PNPLA6: variants seen among roughly 807,000 people sequenced by gnomAD.
PNPLA6 encodes the protein patatin-like phospholipase domain-containing protein 6.
A neutral mutation model predicts 153.7 loss-of-function variants in PNPLA6; 105 were observed. The observed-to-expected ratio is 0.68, with a 90% CI of 0.58 to 0.80. The LOEUF (loss-of-function observed/expected upper bound fraction) is 0.80. Among genes scored for constraint, PNPLA6 ranks in the 30% least tolerant of loss-of-function variants. PNPLA6 has a pLI of 0.00. For synonymous variants in PNPLA6, 825 were observed against 822.2 expected, an observed-to-expected ratio of 1.00 and a Z score of -0.06; for missense variants, 1,423 against 1,919.3, an observed-to-expected ratio of 0.74 and a Z score of 4.83.
intron 3 of PNPLA6, among the ~76,000 whole-genome samples, chr19:7,538,647 A>T (rs1441415807): frequency 1.3e-5 from 2 of 152,174 alleles, no homozygotes; most frequent in African/African-American, 4.8e-5. Context: ...CAGAGGGGCT[A>T]TCTGGATTCT....
chr19:7,536,264 T>A lies in PNPLA6; in HGVS notation c.306T>A (p.Ile102=), dbSNP rs554346890. ...RDKVLFYGRK[I]MRKVSQSTSS... ...AAGTGCTCTTCTATGGCCGGAAGAT[T>A]ATGCGGAAGGTGAGTCCGGGACCCC... The change falls in exon 2 of 32, where the codon ATT becomes ATA. Residue 102 remains isoleucine, a synonymous_variant. Coordinates refer to ENST00000600737, the MANE Select transcript of PNPLA6 (RefSeq NM_001166114.2). The A allele has an allele frequency of 1.0e-4, 167 of 1,613,394 alleles. 2 individuals are homozygous for A. The South Asian group carries it at 1.8e-3, about 17-fold the overall frequency.
rs868166484 is a variant in PNPLA6 at position 7,561,742 on chromosome 19, C to G, written c.*180C>G. ...ACTGATGACTTGACCAGCCCCTCCC[C>G]CAATAAACTCGCCTCTTGGAAATGG... On this transcript the variant is annotated 3_prime_UTR_variant, in exon 32 of 32. Coordinates refer to ENST00000600737, the MANE Select transcript of PNPLA6 (RefSeq NM_001166114.2). The G allele has an allele frequency of 1.9e-5, 13 of 701,690 alleles. No individual in the cohort carries two copies. The highest frequency in any genetic ancestry group is 3.4e-5 in the Non-Finnish European group (13 of 384,894). The allele number at this position is 701,690 out of a possible 1,614,324, so 43.5% of individuals were successfully genotyped here.
intron 13 of PNPLA6, among the ~76,000 whole-genome samples, chr19:7,546,593 G>T (rs2023396509): frequency 6.6e-6 from 1 of 152,158 alleles, no homozygotes; most frequent in East Asian, 1.9e-4. Flanking sequence ...ATTTGTAGTA[G>T]AGACAGGGTT....
chr19:7,561,160 G>A (rs1438983555), intron 30 of PNPLA6, 48 bp from the exon 31 acceptor site: 3 of 1,586,834 alleles, frequency 1.9e-6, no homozygotes, highest in African/African-American at 1.3e-5. Context: ...GCTGGAGATG[G>A]CAGGCCAGCC....
Position 7,550,503 on chromosome 19 carries a change from C to T in PNPLA6, c.1947-14C>T. 1 of 1,612,908 alleles carries T rather than the reference C, an allele frequency of 6.2e-7. No homozygotes were observed. Among genetic ancestry groups the T allele is most frequent in the Non-Finnish European group, 8.5e-7 (1 of 1,179,904 alleles). ...GGGGGTGGTCAGACCTTGCTGACCT[C>T]CACGCCCACTCAGGCAGGGCGACCG... On this transcript the variant is annotated splice_polypyrimidine_tract_variant and intron_variant, in intron 15 of 31. Transcript: ENST00000600737.
In PNPLA6 at chr19:7,551,364, C is replaced by G. The variant is rs770797495; in HGVS notation, c.2187C>G (p.Val729=). 3.7e-6 allele frequency: 6 copies of G among 1,613,774 alleles called. No homozygotes were observed. In the South Asian group the frequency reaches 5.5e-5, roughly 15 times the overall value. Residue 729 remains valine, a splice_region_variant and synonymous_variant, in exon 18 of 32, where the codon GTC becomes GTG. Transcript: ENST00000600737. ...LGHIKRRYPQ[V]VTRLIHLLSQ... is the part of the protein sequence containing the mutation. ...ATGCCGGCCTCCAACGCCCCCAGGT[C>G]GTGACCCGCCTTATCCACCTACTGA...
At chr19:7,542,485 C>A in intron 10 of PNPLA6, 76 bp from the exon 11 acceptor site, 1 of 1,109,272 alleles carries the variant, frequency 9.0e-7, no homozygotes, top group Non-Finnish European at 1.4e-6. Context: ...CAGGCCTGCA[C>A]CACTACACCT....
intron 21 of PNPLA6, 54 bp downstream of exon 21, chr19:7,554,777 T>C: frequency 6.3e-7 from 1 of 1,599,038 alleles, no homozygotes; most frequent in East Asian, 2.2e-5. Flanking sequence ...TCCTTTGCCC[T>C]CCCGTGCCTG....
At chr19:7,552,247 T>G (rs2023682467) in intron 18 of PNPLA6, among the ~76,000 whole-genome samples, 1 of 152,210 alleles carries the variant, frequency 6.6e-6, no homozygotes, top group African/African-American at 2.4e-5. Flanking sequence ...TGTTTCAGCC[T>G]GTGGCTTCAG....
rs1157365527 is a variant in PNPLA6, at chr19:7,541,641, G to C, written c.1125G>C (p.Gly375=). The C allele has an allele frequency of 6.3e-7, 1 of 1,585,210 alleles. No individual in the cohort carries two copies. Among genetic ancestry groups the C allele is most frequent in the Non-Finnish European group, 8.6e-7 (1 of 1,166,784 alleles). ...CAGACGAGCCCAGGGAGACCCCAGG[G>C]CGGCCACCCGATCCCACCGGGGCCC... is the stretch of plus-strand genomic sequence containing the variant. ...SATDEPRETP[G]RPPDPTGAPL... The change falls in exon 9 of 32, where the codon GGG becomes GGC. Residue 375 remains glycine (G), a synonymous_variant. Coordinates refer to ENST00000600737, the MANE Select transcript of PNPLA6 (RefSeq NM_001166114.2). The surrounding 1 kb of genome is among the most constrained non-coding windows in gnomAD (Gnocchi z 5.2).
Position 7,541,991 on chromosome 19 carries a change from T to C in PNPLA6, c.1176T>C (p.Pro392=), listed in dbSNP as rs2023168522. The C allele has an allele frequency of 1.9e-6, 3 of 1,608,080 alleles. No homozygotes were observed. The highest frequency in any genetic ancestry group is 2.5e-6 in the Non-Finnish European group (3 of 1,179,646). The part of the protein sequence containing the change: ...GAPLPGPTGD[P]VKPTSLETPS... ...AACATGTGTCTCCCCCAGGGGACCC[T>C]GTGAAGCCCACATCCCTGGAAACCC... The change falls in exon 10 of 32, where the codon CCT becomes CCC. Residue 392 remains proline, a synonymous_variant. Coordinates refer to ENST00000600737, the MANE Select transcript of PNPLA6 (RefSeq NM_001166114.2). This position sits in a 1 kb window ranked among gnomAD's most constrained non-coding sequence, Gnocchi z 5.2.
In PNPLA6 at chr19:7,551,584, G is replaced by A. The variant is rs111682764; in HGVS notation, c.2260+147G>A. ...CCTGAGGGTTTCAAACCCTAAGTAGGACCCAGGTGCAGAGCATTCTGGGGA... is the reference window on the plus strand; with the variant it reads ...CCTGAGGGTTTCAAACCCTAAGTAGAACCCAGGTGCAGAGCATTCTGGGGA... On this transcript the variant is annotated intron_variant, in intron 18 of 31. Transcript: ENST00000600737. 10,134 of 728,178 alleles carry A rather than the reference G, an allele frequency of 0.014. 117 individuals carry two copies. The highest frequency in any genetic ancestry group is 0.018 in the Non-Finnish European group (7,430 of 406,062). 45.1% of individuals were successfully genotyped at this position (728,178 alleles called of 1,614,324 possible). A position where few individuals can be genotyped will look rare whatever the true frequency, so the allele number is the denominator to read the frequency against.
intron 3 of PNPLA6, among the ~76,000 whole-genome samples, chr19:7,538,156 A>C (rs1403832711): frequency 6.6e-6 from 1 of 152,138 alleles, no homozygotes; most frequent in Non-Finnish European, 1.5e-5. Context: ...CCTGATCAAA[A>C]AAGGAATAAT....
intron 18 of PNPLA6, among the ~76,000 whole-genome samples, chr19:7,552,674 G>A (rs2023703140): frequency 6.8e-6 from 1 of 147,854 alleles, no homozygotes; most frequent in Non-Finnish European, 1.5e-5. Flanking sequence ...AGAATCGCTT[G>A]AACCGGGGAG....
At position 7,551,346 on chromosome 19, in the gene PNPLA6, C is replaced by A; in HGVS notation, c.2185-16C>A. 1 of 1,613,048 alleles carries A rather than the reference C, an allele frequency of 6.2e-7. No individual in the cohort carries two copies. Among genetic ancestry groups the A allele is most frequent in the Non-Finnish European group, 8.5e-7 (1 of 1,179,224 alleles). Reference sequence around the variant, plus strand: ...TTCCCAGGTCTCACTGAAATGCCGGCCTCCAACGCCCCCAGGTCGTGACCC... The same window carrying A: ...TTCCCAGGTCTCACTGAAATGCCGGACTCCAACGCCCCCAGGTCGTGACCC... On this transcript the variant is annotated splice_polypyrimidine_tract_variant and intron_variant, in intron 17 of 31. Transcript: ENST00000600737.
In PNPLA6 at chr19:7,552,012, C is replaced by T. The variant is rs146787967; in HGVS notation, c.2260+575C>T. Among the ~76,000 whole-genome samples, 76 of 152,176 alleles carry T rather than the reference C, an allele frequency of 5.0e-4. No homozygotes were observed. The East Asian group carries it at 0.013, about 26-fold the overall frequency. Reference sequence around the variant, plus strand: ...GTCTCAGCCACTCAGGAGGCTGAGGCGGGAGGATTGATTGCTTGAGCCCGG... The same window carrying T: ...GTCTCAGCCACTCAGGAGGCTGAGGTGGGAGGATTGATTGCTTGAGCCCGG... On this transcript the variant is annotated intron_variant, in intron 18 of 31. Coordinates refer to ENST00000600737, the MANE Select transcript of PNPLA6 (RefSeq NM_001166114.2).
chr19:7,551,179 G>A lies in PNPLA6; in HGVS notation c.2184+72G>A, dbSNP rs902336944. Reference sequence around the variant, plus strand: ...GGGGGGTGGGGGCCGGGCCTAGTGTGTGGGCGGGGCTTACAGAGGGGCGGG... The same window carrying A: ...GGGGGGTGGGGGCCGGGCCTAGTGTATGGGCGGGGCTTACAGAGGGGCGGG... On this transcript the variant is annotated intron_variant, in intron 17 of 31. Transcript: ENST00000600737. 114 of 1,064,220 alleles carry A rather than the reference G, an allele frequency of 1.1e-4. No individual in the cohort carries two copies. In the African/African-American group the frequency reaches 1.7e-3, roughly 16 times the overall value. 65.9% of individuals were successfully genotyped at this position (1,064,220 alleles called of 1,614,324 possible).
Position 7,551,403 on chromosome 19 carries a change from A to C in PNPLA6, c.2226A>C (p.Leu742=), listed in dbSNP as rs2023644345. The change falls in exon 18 of 32, where the codon CTA becomes CTC. Residue 742 remains leucine (L), a synonymous_variant. Coordinates refer to ENST00000600737, the MANE Select transcript of PNPLA6 (RefSeq NM_001166114.2). The stretch of plus-strand genomic sequence containing the variant: ...TCCACCTACTGAGCCAGAAAATTCT[A>C]GGGAATTTGCAGCAGCTGCAAGGAC... ...RLIHLLSQKI[L]GNLQQLQGPF... 6.2e-7 allele frequency: 1 copy of C among 1,613,832 alleles called. No individual in the cohort carries two copies. The highest frequency in any genetic ancestry group is 1.3e-5 in the African/African-American group (1 of 74,876).
Position 7,561,329 on chromosome 19 carries a change from T to TG in PNPLA6, c.4023+14dup. 6.4e-7 allele frequency: 1 copy of TG among 1,571,588 alleles called. No homozygotes were observed. The highest frequency in any genetic ancestry group is 8.7e-7 in the Non-Finnish European group (1 of 1,151,566). On this transcript the variant is annotated intron_variant, in intron 31 of 31. Transcript: ENST00000600737. The stretch of plus-strand genomic sequence containing the variant: ...CTGCCTCCGAGATGGTGAGAGTGGG[T>TG]GGCCCAGGGTCCCCTCACATCCCCC...
Sources: allele counts gnomAD v4.1 joint callset (sites outside exome capture counted in the v4.1 genomes callset), GRCh38; gene constraint gnomAD v4.1.1; non-coding constraint Gnocchi (gnomAD v3.1); transcripts MANE v1.5; gene names NCBI Gene and HGNC (gene_info 2026-07-23, HGNC 2026-07-21).